CRY1: variants seen among roughly 807,000 people sequenced by gnomAD.
CRY1 encodes the protein cryptochrome-1.
In CRY1, 45 loss-of-function variants were observed where a neutral mutation model predicts 76.0. The ratio of observed to expected loss-of-function variants is 0.59; its 90% CI spans 0.47 to 0.76. The LOEUF is 0.76. Ranked by LOEUF, CRY1 falls within the 30% of genes least tolerant of loss-of-function variation. The pLI is 0.00. For synonymous variants in CRY1, 248 were observed against 244.0 expected, an observed-to-expected ratio of 1.02 and a Z score of -0.15; for missense variants, 587 against 716.4, an observed-to-expected ratio of 0.82 and a Z score of 2.06.
rs1392158230 is a variant in CRY1, at chr12:107,092,828, G to A, written c.134C>T (p.Ser45Phe). The change falls in exon 1 of 13, where the codon TCC becomes TTC. Residue 45 changes from serine (S) to phenylalanine (F), a missense_variant. Ser to Phe is a radical substitution (Grantham distance 155). Coordinates refer to ENST00000008527, the MANE Select transcript of CRY1 (RefSeq NM_004075.5). ...YILDPWFAGS[S>F]NVGINRWRFL... ...CCGCCACCTGTTGATGCCCACATTG[G>A]AGGAGCCGGCGAACCAGGGGTCCAG... 9.3e-6 allele frequency: 15 copies of A among 1,611,642 alleles called. No individual in the cohort carries two copies. Among genetic ancestry groups the A allele is most frequent in the Non-Finnish European group, 1.3e-5 (15 of 1,179,802 alleles).
At chr12:107,060,516 C>T (rs1953033243) in intron 1 of CRY1, among the ~76,000 whole-genome samples, 1 of 152,186 alleles carries the variant, frequency 6.6e-6, no homozygotes, top group South Asian at 2.1e-4. Flanking sequence ...GTCTTTGGTA[C>T]TGTGTTATAG....
At chr12:107,045,978 T>A (rs1301135682) in intron 1 of CRY1, among the ~76,000 whole-genome samples, 1 of 151,858 alleles carries the variant, frequency 6.6e-6, no homozygotes, top group Admixed American at 6.6e-5. Context: ...AATACAAAAA[T>A]TAGCTAGGTG....
At chr12:107,065,410 C>T (rs377729058) in intron 1 of CRY1, among the ~76,000 whole-genome samples, 20 of 152,050 alleles carry the variant, frequency 1.3e-4, no homozygotes, top group East Asian at 1.2e-3. Flanking sequence ...CTGGCTAACA[C>T]GGTGAAACCT....
chr12:107,031,381 T>A (rs1309869627), intron 1 of CRY1, among the ~76,000 whole-genome samples: 1 of 151,972 alleles, frequency 6.6e-6, no homozygotes, highest in Admixed American at 6.6e-5. Context: ...TTTTTTTTTT[T>A]TTTTTGCTTA....
chr12:107,087,881 T>TA (rs1953421656), intron 1 of CRY1, among the ~76,000 whole-genome samples: 1 of 151,308 alleles, frequency 6.6e-6, no homozygotes, highest in African/African-American at 2.4e-5. Context: ...CTACAAGTAA[T>TA]AAAAAAAATT....
chr12:107,020,527 T>G (rs1166013118), intron 2 of CRY1, among the ~76,000 whole-genome samples: 1 of 28,810 alleles, frequency 3.5e-5, no homozygotes, highest in Non-Finnish European at 8.6e-5. Flanking sequence ...CAAGATCTGT[T>G]TTTTTTTTTG....
At chr12:107,023,289 A>T (rs1225967382) in intron 1 of CRY1, among the ~76,000 whole-genome samples, 4 of 152,216 alleles carry the variant, frequency 2.6e-5, no homozygotes, top group Non-Finnish European at 4.4e-5. Flanking sequence ...CTAATATGGT[A>T]ACCAAAAGGC....
At chr12:106,996,962 G>C (rs1952239128) in intron 10 of CRY1, among the ~76,000 whole-genome samples, 1 of 152,144 alleles carries the variant, frequency 6.6e-6, no homozygotes, top group African/African-American at 2.4e-5. Flanking sequence ...TTACCTTATA[G>C]TTGCCATACA....
intron 1 of CRY1, among the ~76,000 whole-genome samples, chr12:107,025,193 C>T (rs10861696): frequency 0.47 from 71,381 of 152,050 alleles, 18,744 homozygotes; most frequent in East Asian, 0.72. Context: ...GAGAAACAAA[C>T]ACATTTTTTT....
At chr12:107,053,474 A>C (rs1565837696) in intron 1 of CRY1, among the ~76,000 whole-genome samples, 1 of 151,948 alleles carries the variant, frequency 6.6e-6, no homozygotes, top group Admixed American at 6.6e-5. Context: ...GTGCCACCAC[A>C]CCCGACAAAT....
intron 1 of CRY1, 24 bp from the exon 2 acceptor site, chr12:107,022,216 A>T: frequency 1.5e-6 from 2 of 1,336,400 alleles, no homozygotes; most frequent in Non-Finnish European, 2.1e-6. Flanking sequence ...AGTATTATTT[A>T]AATTATTAAA....
chr12:107,083,503 C>T (rs1953353802), intron 1 of CRY1, among the ~76,000 whole-genome samples: 1 of 152,084 alleles, frequency 6.6e-6, no homozygotes, highest in Non-Finnish European at 1.5e-5. Context: ...ACGATCAAGG[C>T]AGCTTCATCC....
intron 1 of CRY1, among the ~76,000 whole-genome samples, chr12:107,073,436 G>T (rs1424581606): frequency 6.6e-6 from 1 of 152,132 alleles, no homozygotes; most frequent in Non-Finnish European, 1.5e-5. Flanking sequence ...CATAAAGACT[G>T]CCATTACTGG....
intron 2 of CRY1, among the ~76,000 whole-genome samples, chr12:107,012,587 C>G (rs1952457619): frequency 6.6e-6 from 1 of 152,096 alleles, no homozygotes; most frequent in Non-Finnish European, 1.5e-5. Flanking sequence ...ATTCTGCAGC[C>G]CATGGATCAA....
intron 10 of CRY1, among the ~76,000 whole-genome samples, chr12:106,993,474 AGAAGACACAGAC>A (rs1362132700): frequency 6.6e-6 from 1 of 151,636 alleles, no homozygotes; most frequent in African/African-American, 2.4e-5. Flanking sequence ...TACGACAAGC[AGAAGACACAGAC>A]TATGTGGCAG....
At chr12:107,043,739 T>C (rs1387247806) in intron 1 of CRY1, among the ~76,000 whole-genome samples, 2 of 152,170 alleles carry the variant, frequency 1.3e-5, no homozygotes, top group African/African-American at 4.8e-5. Flanking sequence ...ATGACAGCTG[T>C]GCTCTGCCAT....
intron 1 of CRY1, among the ~76,000 whole-genome samples, chr12:107,024,400 A>C (rs1402250726): frequency 6.6e-6 from 1 of 152,206 alleles, no homozygotes; most frequent in Non-Finnish European, 1.5e-5. Context: ...GAATGCTTTT[A>C]ATAAACATTC....
At chr12:107,024,956 A>T (rs1160913998) in intron 1 of CRY1, among the ~76,000 whole-genome samples, 1 of 152,226 alleles carries the variant, frequency 6.6e-6, no homozygotes, top group Non-Finnish European at 1.5e-5. Flanking sequence ...AAAGATCCAA[A>T]AAGAAAAGCA....
intron 2 of CRY1, 127 bp downstream of exon 2, chr12:107,021,957 A>T (rs562421964): frequency 1.5e-6 from 1 of 682,926 alleles, no homozygotes; most frequent in Non-Finnish European, 2.4e-6. Context: ...AAGAAAAAAA[A>T]CCCACAAAAT....
Sources: gnomAD v4.1 joint callset for allele counts (sites outside exome capture counted in the v4.1 genomes callset) on GRCh38, gnomAD v4.1.1 for gene constraint, MANE v1.5 for transcripts, NCBI Gene and HGNC (gene_info 2026-07-23, HGNC 2026-07-21) for gene names.